BCL2L11: variants seen among roughly 807,000 people sequenced by gnomAD.
BCL2L11 encodes the protein BCL2 like 11.
Under a neutral mutation model 20.6 loss-of-function variants are expected in BCL2L11, and 15 were observed. That is an observed-to-expected ratio of 0.73 (90% CI 0.49 to 1.12). The LOEUF (loss-of-function observed/expected upper bound fraction) is 1.12, where lower values mean the gene tolerates loss of function less well. Ranked by LOEUF, BCL2L11 falls within the 50% of genes most tolerant of loss-of-function variation. The pLI, the probability that BCL2L11 is intolerant of heterozygous loss-of-function variation, is 0.00. For synonymous variants in BCL2L11, 108 were observed against 92.8 expected (o/e 1.16, Z -0.94); for missense variants, 292 against 260.9 (o/e 1.12, Z -0.82).
chr2:111,123,320 C>A, intron 1 of BCL2L11: 1 of 985,520 alleles, frequency 1.0e-6, no homozygotes, highest in Non-Finnish European at 1.2e-6. Flanking sequence ...GGCCAGCCGC[C>A]TGCAATCGCT....
intron 3 of BCL2L11, among the ~76,000 whole-genome samples, chr2:111,161,985 G>T (rs753107797): frequency 2.0e-5 from 3 of 152,308 alleles, no homozygotes; most frequent in Non-Finnish European, 4.4e-5. Context: ...CCCCACTGCA[G>T]CTTTTGGCCA....
rs556732270 is a variant in BCL2L11 at position 111,137,453 on chromosome 2, A to G, written c.395-12591A>G. Among the ~76,000 whole-genome samples, 3 of 152,204 alleles carry G rather than the reference A, an allele frequency of 2.0e-5. No homozygotes were observed. In the South Asian group the frequency reaches 6.2e-4, roughly 32 times the overall value. On this transcript the variant is annotated intron_variant, in intron 2 of 3. Coordinates refer to ENST00000393256, the MANE Select transcript of BCL2L11 (RefSeq NM_138621.5). ...TCCACTTCTGGTCCCTGCTCGGTCA[A>G]TGGCTGAGACTTGTGCTGGGGCATC... is the stretch of plus-strand genomic sequence containing the variant.
chr2:111,142,139 G>T (rs1470246995), intron 2 of BCL2L11, among the ~76,000 whole-genome samples: 1 of 152,206 alleles, frequency 6.6e-6, no homozygotes, highest in East Asian at 1.9e-4. Context: ...ACACATGGAA[G>T]ACCTTCAAAA....
chr2:111,133,016 A>G lies in BCL2L11; in HGVS notation c.394+8877A>G, dbSNP rs192140532. Among the ~76,000 whole-genome samples the G allele has an allele frequency of 1.9e-3, 296 of 152,338 alleles. 1 individual carries two copies. Among genetic ancestry groups the G allele is most frequent in the Non-Finnish European group, 1.0e-3 (69 of 68,034 alleles). The stretch of plus-strand genomic sequence containing the variant: ...TTAAATGTGTCAAGGTTTGTTTTGT[A>G]GCTCAGGATATGGTCTATTTTGGTG... On this transcript the variant is annotated intron_variant, in intron 2 of 3. Transcript: ENST00000393256.
chr2:111,124,634 G>A (rs1371443421), intron 2 of BCL2L11, among the ~76,000 whole-genome samples: 1 of 152,176 alleles, frequency 6.6e-6, no homozygotes, highest in East Asian at 1.9e-4. Flanking sequence ...TGGCAGTGAT[G>A]AGTTGAGGTC....
At chr2:111,160,958 A>G (rs2078474016) in intron 3 of BCL2L11, among the ~76,000 whole-genome samples, 1 of 152,168 alleles carries the variant, frequency 6.6e-6, no homozygotes, top group African/African-American at 2.4e-5. Flanking sequence ...CACAACAGGA[A>G]TTTATTTTTC....
intron 2 of BCL2L11, among the ~76,000 whole-genome samples, chr2:111,124,762 A>G (rs1045430488): frequency 2.0e-5 from 3 of 152,266 alleles, no homozygotes; most frequent in African/African-American, 4.8e-5. Flanking sequence ...AAATAGCTTA[A>G]TAATCAAAAG....
At chr2:111,136,449 T>C (rs957745871) in intron 2 of BCL2L11, among the ~76,000 whole-genome samples, 7 of 152,212 alleles carry the variant, frequency 4.6e-5, no homozygotes, top group African/African-American at 1.7e-4. Flanking sequence ...GGGAGATGGC[T>C]CCTCCACCTT....
Position 111,136,577 on chromosome 2 carries a change from T to C in BCL2L11, c.394+12438T>C, listed in dbSNP as rs977293659. 2.0e-5 allele frequency among the ~76,000 whole-genome samples: 3 copies of C among 152,344 alleles called. 1 individual carries two copies. The highest frequency in any genetic ancestry group is 7.2e-5 in the African/African-American group (3 of 41,580). Reference sequence around the variant, plus strand: ...GGGTGGCTTACAAACAACAGAAGTTTATTTCTCACAATTCTGGAGGGTGAT... The same window carrying C: ...GGGTGGCTTACAAACAACAGAAGTTCATTTCTCACAATTCTGGAGGGTGAT... On this transcript the variant is annotated intron_variant, in intron 2 of 3. Transcript: ENST00000393256.
Position 111,121,125 on chromosome 2 carries a change from C to A in BCL2L11, c.-77C>A. 3.6e-6 allele frequency: 1 copy of A among 277,330 alleles called. No individual in the cohort carries two copies. Among genetic ancestry groups the A allele is most frequent in the Non-Finnish European group, 6.7e-6 (1 of 148,404 alleles). 17.2% of individuals were successfully genotyped at this position (277,330 alleles called of 1,614,324 possible). ...TGCGTTCCCGCCGCCACCGCCTCGGCGCCCTTTCTTGGCCCTTGTTCCCCC... is the reference window on the plus strand; with the variant it reads ...TGCGTTCCCGCCGCCACCGCCTCGGAGCCCTTTCTTGGCCCTTGTTCCCCC... On this transcript the variant is annotated 5_prime_UTR_variant, in exon 1 of 4. Transcript: ENST00000393256.
intron 2 of BCL2L11, among the ~76,000 whole-genome samples, chr2:111,126,482 A>G (rs2072648167): frequency 6.6e-6 from 1 of 152,126 alleles, no homozygotes; most frequent in South Asian, 2.1e-4. Context: ...GTACCGAGGT[A>G]AGTTTTCAGT....
chr2:111,152,749 G>A (rs2077394747), intron 3 of BCL2L11, among the ~76,000 whole-genome samples: 1 of 152,234 alleles, frequency 6.6e-6, no homozygotes, highest in Non-Finnish European at 1.5e-5. Flanking sequence ...TTCATAGCCT[G>A]CCTCCCCTCC....
chr2:111,130,571 T>G (rs2073756342), intron 2 of BCL2L11, among the ~76,000 whole-genome samples: 1 of 152,250 alleles, frequency 6.6e-6, no homozygotes, highest in African/African-American at 2.4e-5. Flanking sequence ...GACAGTTTTA[T>G]GTCTTCTTTC....
chr2:111,158,783 ACT>A (rs1208157050), intron 3 of BCL2L11, among the ~76,000 whole-genome samples: 1 of 151,466 alleles, frequency 6.6e-6, no homozygotes, highest in African/African-American at 2.4e-5. Flanking sequence ...CTGCCAGGAA[ACT>A]CTTAACTAAA....
At chr2:111,131,077 T>C (rs551019014) in intron 2 of BCL2L11, among the ~76,000 whole-genome samples, 2 of 152,188 alleles carry the variant, frequency 1.3e-5, no homozygotes, top group South Asian at 4.1e-4. Flanking sequence ...TAAGACTGGT[T>C]TTTATATCAG....
At position 111,126,152 on chromosome 2, in the gene BCL2L11, C is replaced by T. The variant is rs544656073; in HGVS notation, c.394+2013C>T. 2.5e-4 allele frequency among the ~76,000 whole-genome samples: 38 copies of T among 152,260 alleles called. No individual in the cohort carries two copies. In the South Asian group the frequency reaches 6.8e-3, roughly 27 times the overall value. ...ATGGGTTAATGCATGGAAATAGTTT[C>T]TCCTTCCCTGGAACTGGGAATAGTG... On this transcript the variant is annotated intron_variant, in intron 2 of 3. Transcript: ENST00000393256.
intron 2 of BCL2L11, among the ~76,000 whole-genome samples, chr2:111,142,804 A>AT (rs1427741099): frequency 2.0e-5 from 3 of 152,248 alleles, no homozygotes; most frequent in African/African-American, 7.2e-5. Context: ...AAATTCTTAT[A>AT]TTTTTTGTTT....
At chr2:111,127,998 T>C (rs574675138) in intron 2 of BCL2L11, among the ~76,000 whole-genome samples, 9 of 152,154 alleles carry the variant, frequency 5.9e-5, no homozygotes, top group Non-Finnish European at 1.3e-4. Flanking sequence ...CTAAGTGTAC[T>C]GTTCAGTAGT....
rs151215583 is a variant in BCL2L11 at position 111,143,256 on chromosome 2, C to T, written c.395-6788C>T. On this transcript the variant is annotated intron_variant, in intron 2 of 3. Transcript: ENST00000393256. ...GGAGTAGTAGCAGTATTCAGTGTCCCGTGTCTTTCCCCAGAAGAACACTGG... is the reference window on the plus strand; with the variant it reads ...GGAGTAGTAGCAGTATTCAGTGTCCTGTGTCTTTCCCCAGAAGAACACTGG... Among the ~76,000 whole-genome samples, 320 of 152,234 alleles carry T rather than the reference C, an allele frequency of 2.1e-3. 1 individual carries two copies. The highest frequency in any genetic ancestry group is 5.9e-3 in the Admixed American group (90 of 15,280).
Sources: allele counts gnomAD v4.1 joint callset (sites outside exome capture counted in the v4.1 genomes callset), GRCh38; gene constraint gnomAD v4.1.1; transcripts MANE v1.5; gene names NCBI Gene and HGNC (gene_info 2026-07-23, HGNC 2026-07-21).